Variants in FAM184A observed in about 807,000 individuals in gnomAD.
The protein encoded by FAM184A is protein FAM184A.
FAM184A carries 99 observed loss-of-function variants against 143.8 expected under a neutral mutation model. The observed-to-expected ratio is 0.69, with a 90% CI of 0.58 to 0.81. The LOEUF (loss-of-function observed/expected upper bound fraction) is 0.81, where lower values mean the gene tolerates loss of function less well. FAM184A is among the 40% of genes least tolerant of loss of function. The pLI, the probability that FAM184A is intolerant of heterozygous loss-of-function variation, is 0.00. For synonymous variants in FAM184A, 427 were observed against 446.4 expected (o/e 0.96, Z 0.55); for missense variants, 1,217 against 1,310.5 (o/e 0.93, Z 1.10).
intron 6 of FAM184A, among the ~76,000 whole-genome samples, chr6:119,010,577 A>G (rs1785058391): frequency 6.6e-6 from 1 of 152,206 alleles, no homozygotes; most frequent in Non-Finnish European, 1.5e-5. Context: ...TGTTAAAGAC[A>G]TGAACTCTTC....
At chr6:119,049,460 T>C (rs893184909) in intron 1 of FAM184A, among the ~76,000 whole-genome samples, 8 of 151,150 alleles carry the variant, frequency 5.3e-5, no homozygotes, top group Admixed American at 1.3e-4. Flanking sequence ...AAAAATAAAA[T>C]AAAAACAAAA....
At chr6:119,120,574 C>A (rs1582633516) in intron 1 of FAM184A, among the ~76,000 whole-genome samples, 1 of 152,242 alleles carries the variant, frequency 6.6e-6, no homozygotes, top group East Asian at 1.9e-4. Flanking sequence ...TAAGGAACTC[C>A]CAACTGTTTT....
intron 1 of FAM184A, among the ~76,000 whole-genome samples, chr6:119,063,090 C>A (rs528302582): frequency 2.0e-5 from 3 of 152,210 alleles, no homozygotes; most frequent in South Asian, 4.1e-4. Context: ...GAAACCCCCC[C>A]ACCAAAAATC....
chr6:119,000,772 A>G (rs1784730248), intron 9 of FAM184A, among the ~76,000 whole-genome samples: 1 of 151,704 alleles, frequency 6.6e-6, no homozygotes, highest in Non-Finnish European at 1.5e-5. Context: ...AGCCCTAGCC[A>G]CTCCAATTCT....
chr6:119,017,012 A>G, intron 4 of FAM184A, 68 bp from the exon 5 acceptor site: 3 of 1,016,348 alleles, frequency 3.0e-6, no homozygotes, highest in Non-Finnish European at 4.4e-6. Flanking sequence ...GGTAATTTGA[A>G]TACCCTATAA....
chr6:119,132,067 C>T (rs577193204), intron 1 of FAM184A, among the ~76,000 whole-genome samples: 30 of 152,158 alleles, frequency 2.0e-4, no homozygotes, highest in Non-Finnish European at 3.7e-4. Context: ...TCCTTTCTTG[C>T]ATAACCATGC....
chr6:119,049,447 T>G (rs532942972), intron 1 of FAM184A, among the ~76,000 whole-genome samples: 1 of 152,112 alleles, frequency 6.6e-6, no homozygotes, highest in Admixed American at 6.5e-5. Flanking sequence ...ACACTTTGTC[T>G]CAAAAAATAA....
chr6:119,019,931 A>G, intron 4 of FAM184A, 47 bp downstream of exon 4: 1 of 1,446,572 alleles, frequency 6.9e-7, no homozygotes, highest in Non-Finnish European at 9.2e-7. Context: ...TGAAAAAGAG[A>G]AAAACGGAAC....
chr6:119,065,553 C>T (rs192309543), intron 1 of FAM184A, among the ~76,000 whole-genome samples: 58 of 152,260 alleles, frequency 3.8e-4, no homozygotes, highest in Admixed American at 3.8e-3. Flanking sequence ...TCTCAGTCAA[C>T]GTTAATAGTT....
rs757130294 is a variant in FAM184A at position 118,960,171 on chromosome 6, C to T, written c.3355G>A (p.Glu1119Lys). Residue 1119 changes from glutamate (E) to lysine (K), a missense_variant, in exon 18 of 18, where the codon GAA (glutamate) becomes AAA (lysine). Physicochemically the swap from Glu to Lys is moderately conservative, Grantham distance 56 (BLOSUM62 1). Transcript: ENST00000338891. ...PKTFLSPAQSEASPVASPDPQ... is the reference protein window; with the variant it reads ...PKTFLSPAQSKASPVASPDPQ... ...TCTGGAGAAGCCACTGGAGAAGCTT[C>T]ACTCTGAGCAGGACTGAATTCATAA... The T allele has an allele frequency of 1.2e-6, 2 of 1,613,324 alleles. No homozygotes were observed. The highest frequency in any genetic ancestry group is 1.7e-5 in the Admixed American group (1 of 59,924).
chr6:119,141,998 T>A (rs62418779), intron 1 of FAM184A, among the ~76,000 whole-genome samples: 125 of 152,380 alleles, frequency 8.2e-4, no homozygotes, highest in African/African-American at 2.9e-3. Flanking sequence ...ATCTCTTCTA[T>A]AAATGCTGAT....
intron 1 of FAM184A, among the ~76,000 whole-genome samples, chr6:119,066,624 T>C (rs1787460654): frequency 6.6e-6 from 1 of 152,208 alleles, no homozygotes. Flanking sequence ...GTTAAAGATA[T>C]ACATGGTCCT....
chr6:119,134,094 T>C lies in FAM184A; in HGVS notation c.-202+14984A>G, dbSNP rs1789602103. Among the ~76,000 whole-genome samples the C allele has an allele frequency of 1.3e-5, 2 of 151,930 alleles. 1 individual carries two copies. Among genetic ancestry groups the C allele is most frequent in the Admixed American group, 1.3e-4 (2 of 15,264 alleles). ...TCATCAAAAGACGTAATAATGAGAA[T>C]AAAAAAGATAAACTAAAAATTGGGA... On this transcript the variant is annotated intron_variant, in intron 1 of 16. Coordinates refer to the FAM184A transcript ENST00000352896.
At chr6:119,118,655 G>A (rs925166182) in intron 1 of FAM184A, among the ~76,000 whole-genome samples, 11 of 152,272 alleles carry the variant, frequency 7.2e-5, no homozygotes, top group African/African-American at 2.6e-4. Flanking sequence ...ATACCCTTGT[G>A]ATTTCCTATG....
intron 1 of FAM184A, among the ~76,000 whole-genome samples, chr6:119,055,117 T>G (rs2114754881): frequency 6.6e-6 from 1 of 152,342 alleles, no homozygotes; most frequent in South Asian, 2.1e-4. Flanking sequence ...TTGCCTATTC[T>G]GGACACTTCA....
At chr6:119,116,004 CACAT>C (rs1343904446) in intron 1 of FAM184A, among the ~76,000 whole-genome samples, 62 of 150,742 alleles carry the variant, frequency 4.1e-4, no homozygotes, top group African/African-American at 1.4e-3. Flanking sequence ...CACACACACA[CACAT>C]ACACACACAC....
intron 1 of FAM184A, among the ~76,000 whole-genome samples, chr6:119,054,223 A>G (rs1786875911): frequency 6.6e-6 from 1 of 152,270 alleles, no homozygotes; most frequent in Non-Finnish European, 1.5e-5. Flanking sequence ...AAATGACTGA[A>G]TTACAATCAA....
intron 1 of FAM184A, among the ~76,000 whole-genome samples, chr6:119,101,946 C>T (rs958662390): frequency 9.2e-5 from 14 of 152,060 alleles, no homozygotes; most frequent in African/African-American, 3.4e-4. Flanking sequence ...ATCCCAGCTA[C>T]TCAGGAGGCT....
intron 9 of FAM184A, among the ~76,000 whole-genome samples, chr6:118,984,099 G>A (rs1468820410): frequency 5.5e-5 from 8 of 144,900 alleles, no homozygotes; most frequent in Non-Finnish European, 7.5e-5. Context: ...GCAGTGAGCC[G>A]AGATCGCAGC....
Sources: allele counts gnomAD v4.1 joint callset (sites outside exome capture counted in the v4.1 genomes callset), GRCh38; gene constraint gnomAD v4.1.1; transcripts MANE v1.5; gene names NCBI Gene and HGNC (gene_info 2026-07-23, HGNC 2026-07-21).